RAD51B: variants seen among roughly 807,000 people sequenced by gnomAD.
RAD51B encodes the protein RAD51 paralog B.
Under a neutral mutation model 42.2 loss-of-function variants are expected in RAD51B, and 38 were observed. The ratio of observed to expected loss-of-function variants is 0.90; its 90% CI spans 0.70 to 1.18. RAD51B has a LOEUF of 1.18. RAD51B is among the 50% of genes most tolerant of loss of function. The probability of loss-of-function intolerance (pLI) is 0.00; values close to 1 mark genes in which losing one functional copy is unlikely to be tolerated. For synonymous variants in RAD51B, 154 were observed against 145.2 expected (o/e 1.06, Z -0.43); for missense variants, 373 against 400.7 (o/e 0.93, Z 0.59).
intron 8 of RAD51B, among the ~76,000 whole-genome samples, chr14:68,335,515 C>T (rs900262811): frequency 1.7e-4 from 26 of 152,146 alleles, no homozygotes; most frequent in African/African-American, 4.8e-4. Flanking sequence ...ACAGGTTTCA[C>T]TGCAACCAGC....
intron 10 of RAD51B, among the ~76,000 whole-genome samples, chr14:68,546,148 T>C (rs1022342356): frequency 3.0e-4 from 46 of 152,330 alleles, no homozygotes; most frequent in African/African-American, 1.1e-3. Context: ...TAATCAGATC[T>C]GTGTTTAGAC....
chr14:68,426,415 G>T (rs2084852956), intron 9 of RAD51B, among the ~76,000 whole-genome samples: 1 of 152,106 alleles, frequency 6.6e-6, no homozygotes. Context: ...CAGAAGAGAT[G>T]AATATCTTAT....
intron 7 of RAD51B, among the ~76,000 whole-genome samples, chr14:68,018,891 C>T (rs1163807217): frequency 1.3e-5 from 2 of 152,110 alleles, no homozygotes; most frequent in African/African-American, 2.4e-5. Flanking sequence ...CATTTACCAG[C>T]TGTGAAAACT....
intron 7 of RAD51B, among the ~76,000 whole-genome samples, chr14:68,190,885 G>A (rs2079252211): frequency 6.6e-6 from 1 of 152,100 alleles, no homozygotes; most frequent in Admixed American, 6.6e-5. Flanking sequence ...TGAATTTTAA[G>A]TTCTTCATGT....
chr14:68,115,549 A>T (rs1452901611), intron 7 of RAD51B, among the ~76,000 whole-genome samples: 55 of 151,080 alleles, frequency 3.6e-4, no homozygotes, highest in Middle Eastern at 3.4e-3. Flanking sequence ...GTATAAAAAA[A>T]AAAAAAAAAA....
In RAD51B at chr14:68,516,442, C is replaced by T. The variant is rs916418154; in HGVS notation, c.1036+48192C>T. On this transcript the variant is annotated intron_variant, in intron 10 of 10. Transcript: ENST00000487270. ...ATAGAAGACAGCTGGATTCTCATAT[C>T]GGCTTCTGCATTCAATCAGCTGTGA... 1.2e-4 allele frequency among the ~76,000 whole-genome samples: 18 copies of T among 152,334 alleles called. No individual in the cohort carries two copies. The East Asian group carries it at 2.7e-3, about 23-fold the overall frequency.
Position 68,413,752 on chromosome 14 carries a change from G to C in RAD51B, c.957+2225G>C, listed in dbSNP as rs539124998. Among the ~76,000 whole-genome samples, 113 of 152,238 alleles carry C rather than the reference G, an allele frequency of 7.4e-4. 5 individuals are homozygous for C. In the South Asian group the frequency reaches 0.023, roughly 31 times the overall value. On this transcript the variant is annotated intron_variant, in intron 9 of 10. Transcript: ENST00000471583. ...ACCATAGAAGCCATACGAAGCGAAGGCTTTTCTGGGATATGTGCATAAAAC... is the reference window on the plus strand; with the variant it reads ...ACCATAGAAGCCATACGAAGCGAAGCCTTTTCTGGGATATGTGCATAAAAC...
intron 7 of RAD51B, among the ~76,000 whole-genome samples, chr14:68,112,723 C>T (rs948011676): frequency 6.6e-6 from 1 of 152,024 alleles, no homozygotes; most frequent in Non-Finnish European, 1.5e-5. Context: ...GCATGCTCAC[C>T]AGCTCCAGAA....
At chr14:67,939,213 C>T (rs1224413824) in intron 7 of RAD51B, among the ~76,000 whole-genome samples, 1 of 151,978 alleles carries the variant, frequency 6.6e-6, no homozygotes. Context: ...CCCGCCCCTG[C>T]CCCCCTCCAT....
At chr14:68,087,890 A>ATAATT in intron 7 of RAD51B, among the ~76,000 whole-genome samples, 1 of 80,632 alleles carries the variant, frequency 1.2e-5, no homozygotes, top group Non-Finnish European at 2.3e-5. Flanking sequence ...ATAATTATAT[A>ATAATT]ATATATTATT....
chr14:68,497,423 C>T, intron 10 of RAD51B: 2 of 1,100,908 alleles, frequency 1.8e-6, no homozygotes, highest in Non-Finnish European at 2.2e-6. Flanking sequence ...TGACAATGGG[C>T]ACACAGGGAA....
intron 7 of RAD51B, among the ~76,000 whole-genome samples, chr14:68,127,282 G>A (rs1327524331): frequency 6.6e-6 from 1 of 152,068 alleles, no homozygotes; most frequent in Non-Finnish European, 1.5e-5. Context: ...TTCCTCCTGA[G>A]TGGTCTGTTC....
At chr14:67,988,479 A>C (rs1313852409) in intron 7 of RAD51B, among the ~76,000 whole-genome samples, 2 of 152,104 alleles carry the variant, frequency 1.3e-5, no homozygotes, top group Non-Finnish European at 2.9e-5. Flanking sequence ...GAAATAAAGA[A>C]ATAAATAAAT....
At chr14:68,126,884 T>G (rs1033894580) in intron 7 of RAD51B, among the ~76,000 whole-genome samples, 1 of 152,200 alleles carries the variant, frequency 6.6e-6, no homozygotes, top group African/African-American at 2.4e-5. Context: ...CTTATTGCAG[T>G]TTCTCAATAA....
At chr14:68,344,499 T>C (rs932904090) in intron 8 of RAD51B, among the ~76,000 whole-genome samples, 2 of 151,638 alleles carry the variant, frequency 1.3e-5, no homozygotes, top group Non-Finnish European at 2.9e-5. Flanking sequence ...TACAAAAAAT[T>C]AGCACGGCGT....
chr14:68,386,861 A>G (rs192339123), intron 8 of RAD51B, among the ~76,000 whole-genome samples: 14 of 152,322 alleles, frequency 9.2e-5, no homozygotes, highest in Admixed American at 2.6e-4. Context: ...CCAGAAACAG[A>G]TGAAGTTTAG....
At chr14:67,874,855 T>C (rs1459880182) in intron 5 of RAD51B, among the ~76,000 whole-genome samples, 2 of 152,132 alleles carry the variant, frequency 1.3e-5, no homozygotes, top group Non-Finnish European at 2.9e-5. Flanking sequence ...AACAATATAT[T>C]GTCCGTATTA....
chr14:68,129,995 C>A (rs2077852547), intron 7 of RAD51B: 1 of 152,218 alleles, frequency 6.6e-6, no homozygotes, highest in Non-Finnish European at 1.5e-5. Flanking sequence ...AGATAGAAAT[C>A]CAGGACAGTA....
Position 67,928,719 on chromosome 14 carries a change from G to A in RAD51B, c.756+41515G>A, listed in dbSNP as rs114788963. Among the ~76,000 whole-genome samples, 319 of 152,032 alleles carry A rather than the reference G, an allele frequency of 2.1e-3. 4 individuals carry two copies. Among genetic ancestry groups the A allele is most frequent in the African/African-American group, 6.8e-3 (280 of 41,462 alleles). ...CAGAATTTGCATATCAAAGCTTGCC[G>A]TCTTTAAGCCGCCTTTTCTGTTAGA... On this transcript the variant is annotated intron_variant, in intron 7 of 10. Transcript: ENST00000471583.
Sources: allele counts gnomAD v4.1 joint callset (sites outside exome capture counted in the v4.1 genomes callset), GRCh38; gene constraint gnomAD v4.1.1; transcripts MANE v1.5; gene names NCBI Gene and HGNC (gene_info 2026-07-23, HGNC 2026-07-21).